Variants in PBX3 observed in about 807,000 individuals in gnomAD.
PBX3 encodes the protein pre-B-cell leukemia transcription factor 3.
Under a neutral mutation model 48.5 loss-of-function variants are expected in PBX3, and 14 were observed. The ratio of observed to expected loss-of-function variants is 0.29; its 90% confidence interval spans 0.19 to 0.45. PBX3 has a LOEUF of 0.45. Ranked by LOEUF, PBX3 falls within the 20% of genes least tolerant of loss-of-function variation. The probability of loss-of-function intolerance (pLI) is 1.00; values close to 1 mark genes in which losing one functional copy is unlikely to be tolerated. For synonymous variants in PBX3, 210 were observed against 200.3 expected, an observed-to-expected ratio of 1.05 and a Z score of -0.41; for missense variants, 386 against 546.7, an observed-to-expected ratio of 0.71 and a Z score of 2.93.
intron 2 of PBX3, among the ~76,000 whole-genome samples, chr9:125,873,412 A>G (rs909740998): frequency 2.6e-5 from 4 of 152,192 alleles, no homozygotes; most frequent in Non-Finnish European, 5.9e-5. Flanking sequence ...TTTTTCCTCA[A>G]GAATATGTAG....
intron 2 of PBX3, among the ~76,000 whole-genome samples, chr9:125,817,326 G>C (rs1022523169): frequency 6.6e-6 from 1 of 152,216 alleles, no homozygotes; most frequent in Non-Finnish European, 1.5e-5. Context: ...TCTTCTTCAA[G>C]AGTATTTGCA....
intron 5 of PBX3, among the ~76,000 whole-genome samples, chr9:125,948,619 T>G (rs1221819291): frequency 6.6e-6 from 1 of 152,062 alleles, no homozygotes; most frequent in African/African-American, 2.4e-5. Context: ...ATTTATAGCT[T>G]TATATATAAT....
chr9:125,877,688 ATC>A (rs1363280040), intron 2 of PBX3, among the ~76,000 whole-genome samples: 4 of 152,114 alleles, frequency 2.6e-5, no homozygotes, highest in Non-Finnish European at 4.4e-5. Flanking sequence ...CATTTTCAGA[ATC>A]TGAACCTGTC....
intron 5 of PBX3, among the ~76,000 whole-genome samples, chr9:125,947,207 G>C (rs1327515875): frequency 6.6e-6 from 1 of 152,024 alleles, no homozygotes; most frequent in Non-Finnish European, 1.5e-5. Context: ...AAAGATTACA[G>C]ATACAGGGGA....
chr9:125,832,946 T>C (rs531167750), intron 2 of PBX3, among the ~76,000 whole-genome samples: 2 of 152,342 alleles, frequency 1.3e-5, no homozygotes, highest in African/African-American at 2.4e-5. Flanking sequence ...TATTTCCTGA[T>C]GGCTCTGTCT....
chr9:125,905,296 C>T (rs1364306276), intron 2 of PBX3, among the ~76,000 whole-genome samples: 4 of 151,946 alleles, frequency 2.6e-5, no homozygotes, highest in Non-Finnish European at 2.9e-5. Flanking sequence ...CCCTTTATGC[C>T]GCCAATATCC....
Position 125,759,858 on chromosome 9 carries a change from G to A in PBX3, c.274+11235G>A, listed in dbSNP as rs750483535. Among the ~76,000 whole-genome samples the A allele has an allele frequency of 4.6e-5, 7 of 152,196 alleles. No homozygotes were observed. Among genetic ancestry groups the A allele is most frequent in the Non-Finnish European group, 8.8e-5 (6 of 68,046 alleles). On this transcript the variant is annotated intron_variant, in intron 2 of 8. Transcript: ENST00000373489. This position sits in a 1 kb window ranked among gnomAD's most constrained non-coding sequence, Gnocchi z 4.2. ...GACTTGTTAATTAGGCATGACAGAG[G>A]TGGTAAAATAGTTATCTTCAGGCAG...
At chr9:125,960,289 AAAG>A (rs1842398237) in intron 5 of PBX3, among the ~76,000 whole-genome samples, 1 of 152,238 alleles carries the variant, frequency 6.6e-6, no homozygotes, top group Non-Finnish European at 1.5e-5. Flanking sequence ...TAGACCCAAA[AAAG>A]AAGAATAAGT....
chr9:125,893,625 T>C (rs1261132182), intron 2 of PBX3, among the ~76,000 whole-genome samples: 1 of 152,246 alleles, frequency 6.6e-6, no homozygotes, highest in Non-Finnish European at 1.5e-5. Flanking sequence ...TTCATTTTTA[T>C]TGTAATGCAT....
chr9:125,929,933 T>C (rs953576528), intron 4 of PBX3, 88 bp downstream of exon 4: 4 of 1,003,048 alleles, frequency 4.0e-6, no homozygotes, highest in Non-Finnish European at 4.6e-6. Flanking sequence ...CAGTTGGTCT[T>C]AGATTCTTTT....
chr9:125,804,912 A>AGG (rs1838073605), intron 2 of PBX3, among the ~76,000 whole-genome samples: 1 of 50,096 alleles, frequency 2.0e-5, no homozygotes, highest in Non-Finnish European at 6.2e-5. Flanking sequence ...ATGCCACTGC[A>AGG]CTCCAGCCTG....
chr9:125,807,646 G>A (rs1838165729), intron 2 of PBX3, among the ~76,000 whole-genome samples: 1 of 152,012 alleles, frequency 6.6e-6, no homozygotes, highest in Non-Finnish European at 1.5e-5. Context: ...TTATGTATCA[G>A]TACCTGGTTA....
At chr9:125,749,024 G>C (rs1439688695) in intron 2 of PBX3, 2 of 194,078 alleles carry the variant, frequency 1.0e-5, no homozygotes, top group Non-Finnish European at 2.2e-5. Context: ...GTTTTACTTA[G>C]ACAGTCTTAA....
chr9:125,942,282 ATC>A (rs1354156668), intron 5 of PBX3, among the ~76,000 whole-genome samples: 1 of 152,168 alleles, frequency 6.6e-6, no homozygotes, highest in Non-Finnish European at 1.5e-5. Context: ...TGATTCATTC[ATC>A]CCCAGGGCCC....
At chr9:125,916,386 A>G (rs1422919365) in intron 3 of PBX3, among the ~76,000 whole-genome samples, 1 of 152,198 alleles carries the variant, frequency 6.6e-6, no homozygotes, top group African/African-American at 2.4e-5. Context: ...GTGCCAGACT[A>G]TAGGGAACTT....
chr9:125,962,964 C>A, intron 7 of PBX3, 48 bp from the exon 8 acceptor site: 2 of 1,005,064 alleles, frequency 2.0e-6, no homozygotes, highest in Non-Finnish European at 3.1e-6. Flanking sequence ...TAAGTGATGA[C>A]GTTTTAATAG....
chr9:125,790,882 A>G (rs1837582794), intron 2 of PBX3, among the ~76,000 whole-genome samples: 1 of 150,792 alleles, frequency 6.6e-6, no homozygotes, highest in Non-Finnish European at 1.5e-5. Flanking sequence ...TATAATTATT[A>G]CCACCATTGT....
In PBX3 at chr9:125,964,158, G is replaced by A. The variant is rs181459338; in HGVS notation, c.1212+1057G>A. 8.4e-4 allele frequency among the ~76,000 whole-genome samples: 128 copies of A among 152,264 alleles called. 1 individual carries two copies. The highest frequency in any genetic ancestry group is 3.4e-3 in the Middle Eastern group (1 of 292). On this transcript the variant is annotated intron_variant, in intron 8 of 8. Coordinates refer to ENST00000373489, the MANE Select transcript of PBX3 (RefSeq NM_006195.6). ...ATCTTCACTGATGAGGCTTGATAAG[G>A]CGCTGTTGTATAATACAGTGCATAA... is the stretch of plus-strand genomic sequence containing the variant.
chr9:125,792,666 A>G (rs1023071238), intron 2 of PBX3, among the ~76,000 whole-genome samples: 3 of 151,360 alleles, frequency 2.0e-5, no homozygotes, highest in African/African-American at 7.3e-5. Flanking sequence ...GATAAATTTT[A>G]TTATTATTTA....
Sources: allele counts gnomAD v4.1 joint callset (sites outside exome capture counted in the v4.1 genomes callset), GRCh38; gene constraint gnomAD v4.1.1; non-coding constraint Gnocchi (gnomAD v3.1); transcripts MANE v1.5; gene names NCBI Gene and HGNC (gene_info 2026-07-23, HGNC 2026-07-21).